Variants in LAMA1 observed in about 807,000 individuals in gnomAD.
LAMA1 encodes the protein laminin subunit alpha 1, also known as laminin subunit alpha-1.
In LAMA1, 219 loss-of-function variants were observed where a neutral mutation model predicts 348.7. The observed-to-expected ratio is 0.63, with a 90% CI of 0.56 to 0.70. The LOEUF is 0.70. Ranked by LOEUF, LAMA1 falls within the 30% of genes least tolerant of loss-of-function variation. The pLI is 0.00. For missense variants in LAMA1, 3,744 were observed against 3,888.0 expected, an observed-to-expected ratio of 0.96 and a Z score of 0.99; for synonymous variants, 1,487 against 1,491.0, an observed-to-expected ratio of 1.00 and a Z score of 0.06.
At position 6,980,643 on chromosome 18, in the gene LAMA1, T is replaced by A. The variant is rs745659248; in HGVS notation, c.5891-6A>T. The stretch of plus-strand genomic sequence containing the variant: ...ACTCAGTTCCAATGCAATACCTATT[T>A]AAAGGGAGAAAAATGTTTCCTTTCA... On this transcript the variant is annotated splice_region_variant and splice_polypyrimidine_tract_variant and intron_variant, in intron 41 of 62. Transcript: ENST00000389658. 1 of 1,553,476 alleles carries A rather than the reference T, an allele frequency of 6.4e-7. No homozygotes were observed.
chr18:7,099,270 C>A (rs565201728), intron 1 of LAMA1, among the ~76,000 whole-genome samples: 35 of 150,638 alleles, frequency 2.3e-4, no homozygotes, highest in East Asian at 2.1e-3. Flanking sequence ...TTGAAGGCAG[C>A]ATGCTCGTTA....
chr18:7,042,920 C>G (rs1206081942), intron 8 of LAMA1: 7 of 323,560 alleles, frequency 2.2e-5, no homozygotes, highest in Non-Finnish European at 3.9e-5. Context: ...GGCTGAACAT[C>G]TCCTACAGGC....
Position 7,036,096 on chromosome 18 carries a change from GT to G in LAMA1, c.1738-9del. 2 of 1,600,316 alleles carry G rather than the reference GT, an allele frequency of 1.2e-6. No individual in the cohort carries two copies. The highest frequency in any genetic ancestry group is 1.7e-6 in the Non-Finnish European group (2 of 1,167,310). On this transcript the variant is annotated splice_polypyrimidine_tract_variant and intron_variant, in intron 12 of 62. Transcript: ENST00000389658. ...TCCGCCAAACGCAGTCAGCTGAAAT[GT>G]TTAAGCGAGAATGAACACGAAAGGG...
chr18:7,112,994 TCAA>T (rs929475189), intron 1 of LAMA1, among the ~76,000 whole-genome samples: 6 of 152,134 alleles, frequency 3.9e-5, no homozygotes, highest in African/African-American at 1.4e-4. Flanking sequence ...TCAACTTAGC[TCAA>T]CAACAAGAAG....
At chr18:7,090,970 A>T (rs1187435316) in intron 1 of LAMA1, among the ~76,000 whole-genome samples, 1 of 152,188 alleles carries the variant, frequency 6.6e-6, no homozygotes, top group Non-Finnish European at 1.5e-5. Context: ...AGAGGTTTTG[A>T]TTGTAAGAGA....
At chr18:7,102,028 A>G (rs1568069592) in intron 1 of LAMA1, among the ~76,000 whole-genome samples, 1 of 152,078 alleles carries the variant, frequency 6.6e-6, no homozygotes, top group Non-Finnish European at 1.5e-5. Context: ...ATTCCTTCAA[A>G]TATTATTTTG....
intron 9 of LAMA1, among the ~76,000 whole-genome samples, chr18:7,041,000 A>C (rs560782432): frequency 6.6e-6 from 1 of 152,284 alleles, no homozygotes; most frequent in East Asian, 1.9e-4. Context: ...GGAGGAAAGT[A>C]AGAAGTGACA....
chr18:7,040,778 T>C (rs1038854537), intron 9 of LAMA1, among the ~76,000 whole-genome samples: 1 of 152,192 alleles, frequency 6.6e-6, no homozygotes. Flanking sequence ...ATATGAAACA[T>C]GGTATGTCCA....
intron 60 of LAMA1, among the ~76,000 whole-genome samples, chr18:6,947,851 G>T (rs1568002357): frequency 6.6e-6 from 1 of 152,162 alleles, no homozygotes; most frequent in Non-Finnish European, 1.5e-5. Context: ...CATGCCCAGG[G>T]CTGAAGGGAA....
intron 1 of LAMA1, among the ~76,000 whole-genome samples, chr18:7,096,016 C>T (rs776489342): frequency 6.6e-6 from 1 of 152,164 alleles, no homozygotes; most frequent in Non-Finnish European, 1.5e-5. Context: ...TGCAGTGAGC[C>T]GAGATCGCGC....
At chr18:6,980,733 T>C (rs936636342) in intron 41 of LAMA1, 96 bp from the exon 42 acceptor site, 15 of 719,884 alleles carry the variant, frequency 2.1e-5, no homozygotes, top group Non-Finnish European at 3.5e-5. Flanking sequence ...ACAGAATTCA[T>C]AGCTTTCTAA....
chr18:7,026,466 C>T (rs1464407992), intron 16 of LAMA1, among the ~76,000 whole-genome samples: 10 of 152,070 alleles, frequency 6.6e-5, no homozygotes, highest in Non-Finnish European at 1.5e-4. Context: ...TCACAGTGTC[C>T]GCCTCCAACT....
intron 57 of LAMA1, 89 bp from the exon 58 acceptor site, chr18:6,951,060 C>A (rs575236501): frequency 2.5e-6 from 3 of 1,192,600 alleles, no homozygotes; most frequent in South Asian, 2.6e-5. Context: ...ATTGTTTCAG[C>A]GTTTACATTG....
In LAMA1 at chr18:6,961,831, G is replaced by C. The variant is rs111838675; in HGVS notation, c.7453-72C>G. 9.0e-5 allele frequency: 141 copies of C among 1,574,152 alleles called. No homozygotes were observed. The African/African-American group carries it at 1.4e-3, about 16-fold the overall frequency. On this transcript the variant is annotated intron_variant, in intron 52 of 62. Transcript: ENST00000389658. ...CCAAACCTTCCGTGGGGAGGACACT[G>C]CTGATTTCCCCATCATCTCTTTTCT...
In LAMA1 at chr18:6,976,030, A is replaced by G; in HGVS notation, c.6396T>C (p.Pro2132=). ...TATTGTAGTTGGTAGAGGAAATCTGAGGCTGGTAGGCCCGGATGCAATCTC... is the reference window on the plus strand; with the variant it reads ...TATTGTAGTTGGTAGAGGAAATCTGGGGCTGGTAGGCCCGGATGCAATCTC... ...ADRDCIRAYQ[P]QISSTNYNTL... is the part of the protein sequence containing the mutation. Residue 2132 remains proline, a synonymous_variant, in exon 45 of 63, where the codon CCT becomes CCC. Transcript: ENST00000389658. 6.2e-7 allele frequency: 1 copy of G among 1,614,202 alleles called. No homozygotes were observed. Among genetic ancestry groups the G allele is most frequent in the Non-Finnish European group, 8.5e-7 (1 of 1,180,042 alleles).
intron 30 of LAMA1, among the ~76,000 whole-genome samples, chr18:7,000,839 A>G (rs972874698): frequency 6.6e-6 from 1 of 152,220 alleles, no homozygotes; most frequent in African/African-American, 2.4e-5. Flanking sequence ...CCTCCTTAAA[A>G]TAGTAAAGGG....
At chr18:7,023,113 G>A (rs1473380972) in intron 19 of LAMA1, 51 bp downstream of exon 19, 7 of 1,568,932 alleles carry the variant, frequency 4.5e-6, no homozygotes, top group Non-Finnish European at 5.2e-6. Context: ...TACGGTTGAA[G>A]ACTTCCTATG....
At position 7,076,444 on chromosome 18, in the gene LAMA1, T is replaced by G. The variant is rs188294416; in HGVS notation, c.345+3531A>C. 2.0e-5 allele frequency among the ~76,000 whole-genome samples: 3 copies of G among 152,252 alleles called. No homozygotes were observed. The East Asian group carries it at 5.8e-4, about 29-fold the overall frequency. ...TCTAATCAGGTCTCTAGAGCTGAAT[T>G]TGGTGTATAGGAAATAGAGAGCACA... On this transcript the variant is annotated intron_variant, in intron 3 of 62. Transcript: ENST00000389658.
At chr18:7,116,820 C>T (rs902887555) in intron 1 of LAMA1, among the ~76,000 whole-genome samples, 11 of 151,664 alleles carry the variant, frequency 7.3e-5, no homozygotes, top group Non-Finnish European at 4.4e-5. Flanking sequence ...TTCTCTTTCT[C>T]TCTCTCTTTC....
Sources: allele counts gnomAD v4.1 joint callset (sites outside exome capture counted in the v4.1 genomes callset), GRCh38; gene constraint gnomAD v4.1.1; transcripts MANE v1.5; gene names NCBI Gene and HGNC (gene_info 2026-07-23, HGNC 2026-07-21).